TET3: variants seen among roughly 807,000 people sequenced by gnomAD.
TET3 encodes the protein tet methylcytosine dioxygenase 3.
Under a neutral mutation model 141.4 loss-of-function variants are expected in TET3, and 19 were observed. The observed-to-expected ratio is 0.13, with a 90% CI of 0.09 to 0.20. The LOEUF is 0.20. TET3 is among the 10% of genes least tolerant of loss of function. The pLI, the probability that TET3 is intolerant of heterozygous loss-of-function variation, is 1.00. For missense variants in TET3, 1,874 were observed against 2,356.9 expected (o/e 0.80, Z 4.24); for synonymous variants, 1,043 against 980.9 (o/e 1.06, Z -1.18).
Position 74,011,381 on chromosome 2 carries a change from C to T in TET3, c.360+8215C>T, listed in dbSNP as rs549513359. Among the ~76,000 whole-genome samples, 13 of 152,332 alleles carry T rather than the reference C, an allele frequency of 8.5e-5. No individual in the cohort carries two copies. In the South Asian group the frequency reaches 2.7e-3, roughly 32 times the overall value. On this transcript the variant is annotated intron_variant, in intron 3 of 11. Transcript: ENST00000409262. ...AGTACCTTCACCCCGTTCCCATTGCCTAGAATTTCTACGGCATTTGGACAA... is the reference window on the plus strand; with the variant it reads ...AGTACCTTCACCCCGTTCCCATTGCTTAGAATTTCTACGGCATTTGGACAA...
In TET3 at chr2:74,107,672, A is replaced by AT. The variant is rs1249728598; in HGVS notation, c.*5497dup. On this transcript the variant is annotated 3_prime_UTR_variant, in exon 12 of 12. Coordinates refer to ENST00000409262, the MANE Select transcript of TET3 (RefSeq NM_001287491.2). ...AATCTAGAACCCCTGTAGCTTTTTG[A>AT]TGTGTTTTATTTCTTATCTCTTTGA... is the stretch of plus-strand genomic sequence containing the variant. The AT allele has an allele frequency of 3.3e-5, 5 of 152,076 alleles. No homozygotes were observed. Among genetic ancestry groups the AT allele is most frequent in the Admixed American group, 3.3e-4 (5 of 15,286 alleles). The allele number at this position is 152,076 out of a possible 1,614,324, so 9.4% of individuals were successfully genotyped here.
intron 3 of TET3, among the ~76,000 whole-genome samples, chr2:74,015,123 G>T (rs528103420): frequency 6.6e-6 from 1 of 152,264 alleles, no homozygotes; most frequent in South Asian, 2.1e-4. Flanking sequence ...CCCAAGGGTC[G>T]CACCCAAGGG....
Position 74,047,196 on chromosome 2 carries a change from G to A in TET3, c.1279G>A (p.Ala427Thr), listed in dbSNP as rs369015481. Residue 427 changes from alanine (A) to threonine (T), a missense_variant, in exon 4 of 12, where the codon GCA becomes ACA. Transcript: ENST00000409262. ...TCCTGATAGCTCTGCCTTCCCTCCA[G>A]CAACTCCTAGAACTGAGTTCCCTGA... is the stretch of plus-strand genomic sequence containing the variant. ...FAPDSSAFPP[A>T]TPRTEFPEAW... The A allele has an allele frequency of 8.1e-6, 13 of 1,613,818 alleles. No homozygotes were observed. The highest frequency in any genetic ancestry group is 1.0e-5 in the Non-Finnish European group (12 of 1,179,894).
chr2:74,088,733 G>A (rs904926559), intron 7 of TET3, among the ~76,000 whole-genome samples: 6 of 152,046 alleles, frequency 3.9e-5, no homozygotes, highest in Non-Finnish European at 7.4e-5. Context: ...ATCCTCTTAG[G>A]TATATAGTTT....
intron 2 of TET3, among the ~76,000 whole-genome samples, chr2:73,991,332 C>T (rs1281335110): frequency 6.6e-6 from 1 of 151,644 alleles, no homozygotes; most frequent in Admixed American, 6.6e-5. Context: ...GCTTGTAATC[C>T]CAGCACTTTG....
In TET3 at chr2:73,986,308, G is replaced by T. The variant is rs1684023450; in HGVS notation, c.-96G>T. 2.8e-5 allele frequency: 32 copies of T among 1,133,170 alleles called. No homozygotes were observed. The highest frequency in any genetic ancestry group is 3.5e-5 in the Non-Finnish European group (31 of 898,508). The allele number at this position is 1,133,170 out of a possible 1,614,324, so 70.2% of individuals were successfully genotyped here. On this transcript the variant is annotated 5_prime_UTR_variant, in exon 2 of 12. Coordinates refer to ENST00000409262, the MANE Select transcript of TET3 (RefSeq NM_001287491.2). The stretch of plus-strand genomic sequence containing the variant: ...CCTTCACCCTTGTAGACTCTTGACT[G>T]TTCTAGGCGAGAAGGACCTGTTGGT...
intron 3 of TET3, among the ~76,000 whole-genome samples, chr2:74,027,489 A>G (rs1686439158): frequency 1.3e-5 from 2 of 152,134 alleles, no homozygotes; most frequent in South Asian, 4.2e-4. Context: ...TCCATCCCTA[A>G]AAGAAACCCT....
At position 74,020,692 on chromosome 2, in the gene TET3, C is replaced by T. The variant is rs1452260019; in HGVS notation, c.360+17526C>T. ...GACCCAGGAACAAGGGAACTCCCACCTCTTGTTCAAGGGCTTGAGGGCTAT... is the reference window on the plus strand; with the variant it reads ...GACCCAGGAACAAGGGAACTCCCACTTCTTGTTCAAGGGCTTGAGGGCTAT... On this transcript the variant is annotated intron_variant, in intron 3 of 11. Coordinates refer to ENST00000409262, the MANE Select transcript of TET3 (RefSeq NM_001287491.2). 3.9e-5 allele frequency among the ~76,000 whole-genome samples: 6 copies of T among 152,342 alleles called. No individual in the cohort carries two copies. In the South Asian group the frequency reaches 1.0e-3, roughly 26 times the overall value.
At chr2:74,125,995 G>A in the TET3 span, among the ~76,000 whole-genome samples, 2 of 152,160 alleles carry the variant, frequency 1.3e-5, no homozygotes, top group African/African-American at 4.8e-5. Context: ...TTGTGGCTCA[G>A]GTGATCCAAC....
At chr2:74,009,247 A>T (rs1397051671) in intron 3 of TET3, among the ~76,000 whole-genome samples, 1 of 152,088 alleles carries the variant, frequency 6.6e-6, no homozygotes, top group Admixed American at 6.5e-5. Context: ...CACTCTGCAG[A>T]TGGGGAAGAG....
the TET3 span, among the ~76,000 whole-genome samples, chr2:74,132,027 CCT>C: frequency 6.6e-6 from 1 of 152,094 alleles, no homozygotes; most frequent in Non-Finnish European, 1.5e-5. Flanking sequence ...GGAAGAGTCC[CCT>C]GTCTTCTGGT....
At chr2:74,114,897 T>C in the TET3 span, among the ~76,000 whole-genome samples, 1 of 128,898 alleles carries the variant, frequency 7.8e-6, no homozygotes, top group Admixed American at 8.6e-5. Flanking sequence ...ACTGGTTATC[T>C]ATATGCGAAG....
At position 74,102,401 on chromosome 2, in the gene TET3, C is replaced by A; in HGVS notation, c.*225C>A. ...CAGCACTTTGAAGAAGAAACTACGG[C>A]TGTCGGGTGATTTTTCCGTGATCTT... On this transcript the variant is annotated 3_prime_UTR_variant, in exon 12 of 12. Transcript: ENST00000409262. 1 of 529,422 alleles carries A rather than the reference C, an allele frequency of 1.9e-6. No individual in the cohort carries two copies. Among genetic ancestry groups the A allele is most frequent in the Non-Finnish European group, 2.8e-6 (1 of 357,028 alleles). 32.8% of individuals were successfully genotyped at this position (529,422 alleles called of 1,614,324 possible).
intron 4 of TET3, among the ~76,000 whole-genome samples, chr2:74,054,836 C>T (rs1024687414): frequency 1.3e-5 from 2 of 152,238 alleles, no homozygotes; most frequent in South Asian, 4.1e-4. Context: ...CTATGTGCAC[C>T]AGTCTTTGCA....
chr2:74,061,611 C>G (rs1430903187), intron 4 of TET3, among the ~76,000 whole-genome samples: 10 of 150,644 alleles, frequency 6.6e-5, no homozygotes. Flanking sequence ...CCCCCCACCT[C>G]CCTCCCAGAC....
intron 2 of TET3, among the ~76,000 whole-genome samples, chr2:73,987,064 GTAAGA>G (rs1364528457): frequency 2.0e-5 from 3 of 152,214 alleles, no homozygotes; most frequent in Non-Finnish European, 2.9e-5. Context: ...CAGTGAGGGT[GTAAGA>G]TAAGAGATGG....
In TET3 at chr2:74,090,043, A is replaced by G. The variant is rs1299383292; in HGVS notation, c.3035A>G (p.Lys1012Arg). ...RKFRLAGDNP[K>R]EEEVLRKSFQ... ...TTCCGCCTCGCAGGGGACAATCCCA[A>G]AGAGGTGAGCAGAGCTGGGCGGGGA... The change falls in exon 8 of 12, where the codon AAA becomes AGA. Residue 1012 changes from lysine to arginine, a missense_variant. Coordinates refer to ENST00000409262, the MANE Select transcript of TET3 (RefSeq NM_001287491.2). 1.2e-6 allele frequency: 2 copies of G among 1,613,954 alleles called. No homozygotes were observed. Among genetic ancestry groups the G allele is most frequent in the South Asian group, 2.2e-5 (2 of 91,088 alleles).
At chr2:74,069,010 A>G (rs898402404) in intron 4 of TET3, among the ~76,000 whole-genome samples, 2 of 152,092 alleles carry the variant, frequency 1.3e-5, no homozygotes, top group African/African-American at 2.4e-5. Context: ...GTTTTTCTTC[A>G]GTTGATTTAT....
rs1686490259 is a variant in TET3 at position 74,028,314 on chromosome 2, C to G, written c.361-17964C>G. Among the ~76,000 whole-genome samples the G allele has an allele frequency of 2.0e-5, 3 of 151,946 alleles. No homozygotes were observed. In the Middle Eastern group the frequency reaches 0.01, roughly 517 times the overall value. On this transcript the variant is annotated intron_variant, in intron 3 of 11. Coordinates refer to ENST00000409262, the MANE Select transcript of TET3 (RefSeq NM_001287491.2). ...TTTTTTTCACTTTCTTGATGGTGTC[C>G]TTTGAAACTCAAAAGTTTTTAATTT... is the stretch of plus-strand genomic sequence containing the variant.
Sources: gnomAD v4.1 joint callset for allele counts (sites outside exome capture counted in the v4.1 genomes callset) on GRCh38, gnomAD v4.1.1 for gene constraint, MANE v1.5 for transcripts, NCBI Gene and HGNC (gene_info 2026-07-23, HGNC 2026-07-21) for gene names.